Variants in SERPINI1 observed in about 807,000 individuals in gnomAD.
The protein encoded by SERPINI1 is neuroserpin.
SERPINI1 carries 19 observed loss-of-function variants against 41.1 expected under a neutral mutation model. That is an observed-to-expected ratio of 0.46 (90% confidence interval 0.32 to 0.68). The LOEUF is 0.68. Ranked by LOEUF, SERPINI1 falls within the 30% of genes least tolerant of loss-of-function variation. The pLI is 0.03. For synonymous variants in SERPINI1, 138 were observed against 156.6 expected, an observed-to-expected ratio of 0.88 and a Z score of 0.89; for missense variants, 460 against 479.2, an observed-to-expected ratio of 0.96 and a Z score of 0.37.
At chr3:167,796,893 G>A (rs1300701447) in intron 5 of SERPINI1, among the ~76,000 whole-genome samples, 2 of 152,148 alleles carry the variant, frequency 1.3e-5, no homozygotes, top group East Asian at 3.8e-4. Context: ...TAATGGGATT[G>A]CTGGGTCAAA....
intron 6 of SERPINI1, among the ~76,000 whole-genome samples, chr3:167,822,387 C>T (rs1712365212): frequency 6.6e-6 from 1 of 152,118 alleles, no homozygotes; most frequent in African/African-American, 2.4e-5. Context: ...AAAAACAGTC[C>T]TCCTAATGCT....
At chr3:167,742,423 T>C (rs758196149) in intron 1 of SERPINI1, among the ~76,000 whole-genome samples, 8 of 152,202 alleles carry the variant, frequency 5.3e-5, no homozygotes, top group Non-Finnish European at 1.2e-4. Context: ...ACAGGCTCGA[T>C]GTTGTCAGAA....
chr3:167,795,593 C>A (rs1727684505), intron 5 of SERPINI1, among the ~76,000 whole-genome samples: 1 of 152,154 alleles, frequency 6.6e-6, no homozygotes, highest in Non-Finnish European at 1.5e-5. Context: ...CCTCTAGAAC[C>A]AGTTCTTCTC....
Position 167,825,334 on chromosome 3 carries a change from T to C in SERPINI1, c.*11T>C. The C allele has an allele frequency of 6.3e-7, 1 of 1,581,426 alleles. No individual in the cohort carries two copies. The highest frequency in any genetic ancestry group is 8.7e-7 in the Non-Finnish European group (1 of 1,150,346). On this transcript the variant is annotated 3_prime_UTR_variant, in exon 9 of 9. Coordinates refer to ENST00000446050, the MANE Select transcript of SERPINI1 (RefSeq NM_001122752.2). ...TTCGAAGAACTTTAAGTTACTTTAT[T>C]TGAATAACAAGGAAAACAGTAACTA...
chr3:167,793,596 A>ATATATATATATATATTTTTTTTTT, intron 4 of SERPINI1, among the ~76,000 whole-genome samples: 6 of 140,614 alleles, frequency 4.3e-5, no homozygotes, highest in African/African-American at 1.6e-4. Flanking sequence ...ATATATATAT[A>ATATATATATATATATTTTTTTTTT]TTTTTAATTA....
intron 6 of SERPINI1, among the ~76,000 whole-genome samples, chr3:167,817,080 T>C (rs545665294): frequency 6.6e-6 from 1 of 151,494 alleles, no homozygotes; most frequent in African/African-American, 2.4e-5. Flanking sequence ...TTAAGTGGAG[T>C]AGTGGCATAA....
intron 6 of SERPINI1, among the ~76,000 whole-genome samples, chr3:167,815,185 G>T (rs1712036853): frequency 1.3e-5 from 2 of 152,110 alleles, no homozygotes; most frequent in African/African-American, 2.4e-5. Context: ...GGTCTTGATT[G>T]TCTACTGCAT....
intron 4 of SERPINI1, among the ~76,000 whole-genome samples, 178 bp downstream of exon 4, chr3:167,792,962 AT>A (rs1188960812): frequency 6.6e-6 from 1 of 152,122 alleles, no homozygotes. Flanking sequence ...ATATTCATTG[AT>A]GGTTTCCAGA....
intron 1 of SERPINI1, among the ~76,000 whole-genome samples, chr3:167,744,918 C>T (rs970958083): frequency 1.4e-5 from 2 of 140,950 alleles, no homozygotes; most frequent in African/African-American, 5.3e-5. Context: ...GGGTGCCAAG[C>T]CAGTCAGTTT....
At chr3:167,793,040 T>C (rs1727582705) in intron 4 of SERPINI1, among the ~76,000 whole-genome samples, 1 of 152,166 alleles carries the variant, frequency 6.6e-6, no homozygotes, top group Non-Finnish European at 1.5e-5. Context: ...ATACCTGACA[T>C]TGTGTGAGAA....
intron 5 of SERPINI1, among the ~76,000 whole-genome samples, chr3:167,796,334 A>G (rs986725799): frequency 2.6e-5 from 4 of 151,628 alleles, no homozygotes; most frequent in African/African-American, 9.7e-5. Flanking sequence ...ATATATAGCC[A>G]TATATTTTCT....
At chr3:167,777,405 T>C (rs1277323157) in intron 1 of SERPINI1, among the ~76,000 whole-genome samples, 1 of 152,220 alleles carries the variant, frequency 6.6e-6, no homozygotes, top group East Asian at 1.9e-4. Flanking sequence ...GGGAAGAGGA[T>C]TGACCAGAGA....
At chr3:167,818,643 C>T (rs953515309) in intron 6 of SERPINI1, among the ~76,000 whole-genome samples, 1 of 152,034 alleles carries the variant, frequency 6.6e-6, no homozygotes, top group Non-Finnish European at 1.5e-5. Flanking sequence ...TAACCCTTAG[C>T]ATCTTTGTTT....
intron 1 of SERPINI1, among the ~76,000 whole-genome samples, chr3:167,775,533 G>T (rs1314534451): frequency 6.6e-6 from 1 of 151,878 alleles, no homozygotes; most frequent in Non-Finnish European, 1.5e-5. Context: ...AAAACAATTG[G>T]GGAGCAACTT....
Position 167,810,020 on chromosome 3 carries a change from T to C in SERPINI1, c.979+2679T>C, listed in dbSNP as rs928615113. Among the ~76,000 whole-genome samples, 11 of 152,272 alleles carry C rather than the reference T, an allele frequency of 7.2e-5. No individual in the cohort carries two copies. In the South Asian group the frequency reaches 1.0e-3, roughly 14 times the overall value. ...GAGTCTAAGCAGCTCCAGTATGCCA[T>C]CCACCCTAACCAATATATCCTTACA... On this transcript the variant is annotated intron_variant, in intron 6 of 8. Coordinates refer to ENST00000446050, the MANE Select transcript of SERPINI1 (RefSeq NM_001122752.2).
chr3:167,760,348 A>AATATAT (rs35053492), intron 1 of SERPINI1, among the ~76,000 whole-genome samples: 2,708 of 147,478 alleles, frequency 0.018, 56 homozygotes, highest in African/African-American at 0.053. Flanking sequence ...ACTAATTTCA[A>AATATAT]ATATATATAT....
At chr3:167,786,043 A>G (rs1727292533) in intron 1 of SERPINI1, among the ~76,000 whole-genome samples, 1 of 152,236 alleles carries the variant, frequency 6.6e-6, no homozygotes, top group South Asian at 2.1e-4. Context: ...GCTATATGGT[A>G]TTACGTAGCT....
At chr3:167,822,072 A>T (rs1712353326) in intron 6 of SERPINI1, among the ~76,000 whole-genome samples, 1 of 152,220 alleles carries the variant, frequency 6.6e-6, no homozygotes, top group Non-Finnish European at 1.5e-5. Context: ...TTATAGAAAC[A>T]TCCAGACAGT....
At chr3:167,766,592 C>A (rs922077868) in intron 1 of SERPINI1, among the ~76,000 whole-genome samples, 2 of 152,206 alleles carry the variant, frequency 1.3e-5, no homozygotes, top group African/African-American at 4.8e-5. Flanking sequence ...GCTCGGCCTC[C>A]TGTGCCAAGG....
Sources: allele counts gnomAD v4.1 joint callset (sites outside exome capture counted in the v4.1 genomes callset), GRCh38; gene constraint gnomAD v4.1.1; transcripts MANE v1.5; gene names NCBI Gene and HGNC (gene_info 2026-07-23, HGNC 2026-07-21).